RANBP9: variants seen among roughly 807,000 people sequenced by gnomAD.
The protein encoded by RANBP9 is RAN binding protein 9.
In RANBP9, 15 loss-of-function variants were observed where a neutral mutation model predicts 84.3. The observed-to-expected ratio is 0.18, with a 90% CI of 0.12 to 0.27. The LOEUF is 0.27. Ranked by LOEUF, RANBP9 falls within the 10% of genes least tolerant of loss-of-function variation. The probability of loss-of-function intolerance (pLI) is 1.00; values close to 1 mark genes in which losing one functional copy is unlikely to be tolerated. For synonymous variants in RANBP9, 392 were observed against 349.6 expected, an observed-to-expected ratio of 1.12 and a Z score of -1.35; for missense variants, 809 against 912.8, an observed-to-expected ratio of 0.89 and a Z score of 1.46.
intron 1 of RANBP9, among the ~76,000 whole-genome samples, chr6:13,710,698 G>C (rs1366856264): frequency 6.6e-6 from 1 of 152,230 alleles, no homozygotes; most frequent in Non-Finnish European, 1.5e-5. Context: ...AGGATTACCA[G>C]CTCCTTTCTA....
At chr6:13,677,981 T>C (rs2073894695) in intron 2 of RANBP9, among the ~76,000 whole-genome samples, 1 of 152,010 alleles carries the variant, frequency 6.6e-6, no homozygotes, top group African/African-American at 2.4e-5. Context: ...TAGCCAGGCA[T>C]AGTGGTATGT....
chr6:13,638,008 C>A, intron 9 of RANBP9, 53 bp from the exon 10 acceptor site: 1 of 1,483,884 alleles, frequency 6.7e-7, no homozygotes. Flanking sequence ...TTTATTAATA[C>A]GGTTGTAAAC....
intron 2 of RANBP9, among the ~76,000 whole-genome samples, chr6:13,664,084 G>T (rs1765592648): frequency 6.6e-6 from 1 of 152,046 alleles, no homozygotes; most frequent in South Asian, 2.1e-4. Flanking sequence ...AAATAAAGCT[G>T]GCTCTATGTA....
At position 13,696,851 on chromosome 6, in the gene RANBP9, T is replaced by C. The variant is rs940267351; in HGVS notation, c.617A>G (p.His206Arg). Residue 206 changes from histidine (H) to arginine (R), a missense_variant, in exon 2 of 14, where the codon CAT becomes CGT. His to Arg is a conservative substitution (Grantham distance 29). Coordinates refer to ENST00000011619, the MANE Select transcript of RANBP9 (RefSeq NM_005493.3). ...PKDAASVRAT[H>R]PIPAACGIYY... Reference sequence around the variant, plus strand: ...AATCCCACAGGCTGCTGGTATTGGATGCGTGGCTCGAACTGACGCGGCATC... The same window carrying C: ...AATCCCACAGGCTGCTGGTATTGGACGCGTGGCTCGAACTGACGCGGCATC... 3 of 1,613,584 alleles carry C rather than the reference T, an allele frequency of 1.9e-6. No individual in the cohort carries two copies. Among genetic ancestry groups the C allele is most frequent in the Non-Finnish European group, 2.5e-6 (3 of 1,179,690 alleles).
chr6:13,655,341 G>A (rs948390441), intron 4 of RANBP9, among the ~76,000 whole-genome samples: 1 of 152,094 alleles, frequency 6.6e-6, no homozygotes, highest in Non-Finnish European at 1.5e-5. Flanking sequence ...GGGTGATGGC[G>A]TGCCTATAAT....
rs149019054 is a variant in RANBP9, at chr6:13,694,294, T to C, written c.683+2491A>G. ...CAACTGGGGAGTGGGTAAGCAAACT[T>C]TGGTTCACTTATCTACAAAATTAGA... On this transcript the variant is annotated intron_variant, in intron 2 of 13. Coordinates refer to ENST00000011619, the MANE Select transcript of RANBP9 (RefSeq NM_005493.3). Among the ~76,000 whole-genome samples, 113 of 152,310 alleles carry C rather than the reference T, an allele frequency of 7.4e-4. 2 individuals are homozygous for C. In the East Asian group the frequency reaches 0.02, roughly 28 times the overall value.
intron 13 of RANBP9, among the ~76,000 whole-genome samples, chr6:13,623,721 T>A (rs1228043471): frequency 6.6e-6 from 1 of 152,176 alleles, no homozygotes; most frequent in South Asian, 2.1e-4. Context: ...TAGCATGGTA[T>A]TTATAAACAT....
At chr6:13,699,450 A>G (rs1757914962) in intron 1 of RANBP9, among the ~76,000 whole-genome samples, 1 of 152,240 alleles carries the variant, frequency 6.6e-6, no homozygotes, top group Non-Finnish European at 1.5e-5. Context: ...AGTATCCCTT[A>G]TCTGACATGC....
Position 13,637,878 on chromosome 6 carries a change from A to G in RANBP9, c.1603T>C (p.Ser535Pro), listed in dbSNP as rs1182460494. Reference protein sequence around the residue: ...SYCHSNKHQSSNLNVPELNSI... With the variant: ...SYCHSNKHQSPNLNVPELNSI... ...TTTAGTTCTGGTACATTCAAGTTGG[A>G]TGACTGGTGTTTATTACTATGGCAA... The change falls in exon 10 of 14, where the codon TCC becomes CCC. Residue 535 changes from serine to proline, a missense_variant. Around this residue, in one of 5 missense-constraint regions of RANBP9, gnomAD observed 216 missense variants for 329.0 expected, o/e 0.66. Coordinates refer to ENST00000011619, the MANE Select transcript of RANBP9 (RefSeq NM_005493.3). 2 of 1,608,742 alleles carry G rather than the reference A, an allele frequency of 1.2e-6. No individual in the cohort carries two copies. The highest frequency in any genetic ancestry group is 2.7e-5 in the African/African-American group (2 of 74,746).
intron 2 of RANBP9, among the ~76,000 whole-genome samples, chr6:13,673,900 T>C (rs965691825): frequency 6.6e-6 from 1 of 152,018 alleles, no homozygotes; most frequent in African/African-American, 2.4e-5. Context: ...CTGGCCTACA[T>C]GGCAAAATCC....
chr6:13,647,613 TAA>T (rs1460352408), intron 5 of RANBP9, among the ~76,000 whole-genome samples: 1 of 152,182 alleles, frequency 6.6e-6, no homozygotes, highest in Non-Finnish European at 1.5e-5. Context: ...GAAAGAAGTC[TAA>T]AAGGATATAT....
intron 2 of RANBP9, among the ~76,000 whole-genome samples, chr6:13,669,030 A>G (rs1291146373): frequency 6.6e-6 from 1 of 152,178 alleles, no homozygotes; most frequent in Non-Finnish European, 1.5e-5. Context: ...ATCAAGTTCA[A>G]CAAGACTACA....
At chr6:13,654,898 T>A (rs1765365934) in intron 4 of RANBP9, among the ~76,000 whole-genome samples, 1 of 152,240 alleles carries the variant, frequency 6.6e-6, no homozygotes, top group African/African-American at 2.4e-5. Flanking sequence ...TAACATTTAA[T>A]GGTTATTCAC....
At chr6:13,701,349 A>G (rs559328942) in intron 1 of RANBP9, among the ~76,000 whole-genome samples, 7 of 152,208 alleles carry the variant, frequency 4.6e-5, no homozygotes, top group Non-Finnish European at 1.0e-4. Context: ...GCTACCAACA[A>G]TATTTTTAGA....
chr6:13,679,940 C>G (rs996973610), intron 2 of RANBP9, among the ~76,000 whole-genome samples: 2 of 151,904 alleles, frequency 1.3e-5, no homozygotes, highest in South Asian at 2.1e-4. Context: ...AAATAGTGTT[C>G]TTATTTACTT....
chr6:13,700,775 C>A (rs1757948790), intron 1 of RANBP9, among the ~76,000 whole-genome samples: 1 of 152,130 alleles, frequency 6.6e-6, no homozygotes. Context: ...CAGACCAAGC[C>A]ACCTGTAATA....
intron 5 of RANBP9, among the ~76,000 whole-genome samples, chr6:13,650,658 C>T (rs971844356): frequency 6.6e-5 from 10 of 152,060 alleles, no homozygotes; most frequent in African/African-American, 2.4e-4. Context: ...CAAACGTGCA[C>T]GATGTAATCA....
At chr6:13,658,442 C>G (rs1470494288) in intron 3 of RANBP9, among the ~76,000 whole-genome samples, 1 of 152,076 alleles carries the variant, frequency 6.6e-6, no homozygotes, top group Non-Finnish European at 1.5e-5. Context: ...AACCCCATCT[C>G]TACTAAAAAT....
chr6:13,710,840 AGGGCGGGGGTCGG>A (rs1330344821), intron 1 of RANBP9, 82 bp downstream of exon 1: 23 of 1,354,396 alleles, frequency 1.7e-5, no homozygotes, highest in Admixed American at 2.4e-5. Context: ...AGAGCCCGCG[AGGGCGGGGGTCGG>A]GGGCGGGTCG....
Sources: gnomAD v4.1 joint callset for allele counts (sites outside exome capture counted in the v4.1 genomes callset) on GRCh38, gnomAD v4.1.1 for gene constraint, gnomAD v4.1.1 regional missense constraint, MANE v1.5 for transcripts, NCBI Gene and HGNC (gene_info 2026-07-23, HGNC 2026-07-21) for gene names.